The following KATNIP variants were observed in gnomAD, a reference collection of about 807,000 sequenced individuals.
KATNIP encodes katanin-interacting protein.
A neutral mutation model predicts 174.0 loss-of-function variants in KATNIP; 126 were observed. That is an observed-to-expected ratio of 0.72 (90% CI 0.63 to 0.84). KATNIP has a LOEUF of 0.84. KATNIP is among the 40% of genes least tolerant of loss of function. The pLI, the probability that KATNIP is intolerant of heterozygous loss-of-function variation, is 0.00. For missense variants in KATNIP, 1,958 were observed against 2,109.7 expected, an observed-to-expected ratio of 0.93 and a Z score of 1.41; for synonymous variants, 810 against 835.7, an observed-to-expected ratio of 0.97 and a Z score of 0.53.
intron 8 of KATNIP, among the ~76,000 whole-genome samples, chr16:27,682,290 A>T (rs1203916602): frequency 6.6e-6 from 1 of 152,214 alleles, no homozygotes; most frequent in Non-Finnish European, 1.5e-5. Context: ...TACTTCTACC[A>T]TCTCACATAA....
At chr16:27,577,793 A>C (rs968332084) in intron 2 of KATNIP, among the ~76,000 whole-genome samples, 6 of 152,130 alleles carry the variant, frequency 3.9e-5, no homozygotes, top group Non-Finnish European at 8.8e-5. Context: ...GTATCGCTTG[A>C]GCCCAGGAGT....
In KATNIP at chr16:27,754,308, G is replaced by A. The variant is rs763448061; in HGVS notation, c.3631+57G>A. 4.2e-4 allele frequency: 621 copies of A among 1,467,138 alleles called. 1 individual carries two copies. The highest frequency in any genetic ancestry group is 5.5e-4 in the Non-Finnish European group (572 of 1,047,954). The allele number at this position is 1,467,138 out of a possible 1,614,324, so 90.9% of individuals were successfully genotyped here. The stretch of plus-strand genomic sequence containing the variant: ...GAAGGAGGACCTTCCAGGGACAGGG[G>A]GAGTTGTGGCCACTTGGGACAGGGT... On this transcript the variant is annotated intron_variant, in intron 18 of 27. Transcript: ENST00000261588.
chr16:27,661,381 T>C (rs1475125355), intron 6 of KATNIP, among the ~76,000 whole-genome samples: 1 of 151,672 alleles, frequency 6.6e-6, no homozygotes, highest in Non-Finnish European at 1.5e-5. Context: ...GGTATCTGGG[T>C]TTCTGGGTTT....
intron 14 of KATNIP, among the ~76,000 whole-genome samples, chr16:27,735,654 A>G (rs1315046112): frequency 1.3e-5 from 2 of 152,188 alleles, no homozygotes; most frequent in Non-Finnish European, 2.9e-5. Context: ...GCCATCTGCA[A>G]TTGGAGGATT....
chr16:27,645,803 T>G (rs1486045931), intron 5 of KATNIP, among the ~76,000 whole-genome samples: 2 of 152,134 alleles, frequency 1.3e-5, no homozygotes, highest in Non-Finnish European at 2.9e-5. Flanking sequence ...CTCTCCTGAT[T>G]ACCAGGAAAA....
intron 14 of KATNIP, chr16:27,727,602 T>C (rs2080499588): frequency 6.6e-6 from 1 of 152,194 alleles, no homozygotes; most frequent in African/African-American, 2.4e-5. Context: ...GTGGCCTGGA[T>C]GAGGGTGTCA....
At chr16:27,763,471 C>G (rs2082019959) in intron 19 of KATNIP, among the ~76,000 whole-genome samples, 1 of 141,062 alleles carries the variant, frequency 7.1e-6, no homozygotes, top group South Asian at 2.2e-4. Flanking sequence ...AAAAAAATAG[C>G]CAGGCATTGT....
At chr16:27,765,795 A>G (rs1001014585) in intron 19 of KATNIP, among the ~76,000 whole-genome samples, 1 of 152,172 alleles carries the variant, frequency 6.6e-6, no homozygotes, top group African/African-American at 2.4e-5. Flanking sequence ...TGCCTCCTCC[A>G]TGTGACTGCA....
intron 27 of KATNIP, among the ~76,000 whole-genome samples, chr16:27,778,263 G>T (rs1488247424): frequency 6.6e-6 from 1 of 152,220 alleles, no homozygotes; most frequent in Non-Finnish European, 1.5e-5. Context: ...AAAGGGGTTT[G>T]CCCCGGGCCG....
intron 13 of KATNIP, among the ~76,000 whole-genome samples, chr16:27,714,003 C>T (rs1567337676): frequency 6.6e-6 from 1 of 151,164 alleles, no homozygotes. Context: ...CTTCACACAC[C>T]CCCGCCTCAC....
At chr16:27,697,199 A>G (rs2142968561) in intron 8 of KATNIP, among the ~76,000 whole-genome samples, 1 of 152,218 alleles carries the variant, frequency 6.6e-6, no homozygotes, top group Middle Eastern at 3.4e-3. Flanking sequence ...TCAAATGGTA[A>G]TTCTGTTTTT....
intron 5 of KATNIP, among the ~76,000 whole-genome samples, chr16:27,635,637 T>C (rs1418805810): frequency 6.6e-6 from 1 of 151,612 alleles, no homozygotes; most frequent in African/African-American, 2.4e-5. Flanking sequence ...GCTCAGTTCC[T>C]GCCTTTGAAG....
intron 18 of KATNIP, chr16:27,757,489 C>T (rs772011051): frequency 4.5e-5 from 44 of 985,204 alleles, no homozygotes; most frequent in Non-Finnish European, 4.8e-5. Flanking sequence ...ATGATTTCCC[C>T]AAAGATGCTG....
At chr16:27,629,270 T>A (rs2076421549) in intron 4 of KATNIP, among the ~76,000 whole-genome samples, 1 of 151,822 alleles carries the variant, frequency 6.6e-6, no homozygotes, top group Non-Finnish European at 1.5e-5. Flanking sequence ...AGCATAAGAA[T>A]GAGAAAGAGA....
rs896735253 is a variant in KATNIP, at chr16:27,776,916, G to A, written c.4450-12G>A. 7.6e-6 allele frequency: 12 copies of A among 1,581,596 alleles called. No homozygotes were observed. Among genetic ancestry groups the A allele is most frequent in the Middle Eastern group, 1.7e-4 (1 of 6,018 alleles). ...AAACATGCCTGTTTTAATTAGTGCC[G>A]CTCTCTGACAGGTGAACCGGGTTTA... On this transcript the variant is annotated splice_polypyrimidine_tract_variant and intron_variant, in intron 24 of 27. Coordinates refer to ENST00000261588, the MANE Select transcript of KATNIP (RefSeq NM_015202.5). The surrounding 1 kb of genome is among the most constrained non-coding windows in gnomAD (Gnocchi z 4.7).
chr16:27,757,850 A>G (rs927684883), intron 18 of KATNIP, among the ~76,000 whole-genome samples: 48 of 152,218 alleles, frequency 3.2e-4, no homozygotes, highest in Admixed American at 6.5e-5. Flanking sequence ...AAATACGGCC[A>G]ATCCTATTAA....
chr16:27,738,615 G>T (rs1267337925), intron 14 of KATNIP, among the ~76,000 whole-genome samples: 1 of 152,186 alleles, frequency 6.6e-6, no homozygotes, highest in Non-Finnish European at 1.5e-5. Flanking sequence ...CATTTGTGAA[G>T]GTTACTGTAT....
intron 5 of KATNIP, among the ~76,000 whole-genome samples, chr16:27,636,149 A>T (rs115750548): frequency 0.022 from 3,330 of 152,200 alleles, 140 homozygotes; most frequent in African/African-American, 0.076. Flanking sequence ...GCAAGACCCT[A>T]TCTCAAAATC....
chr16:27,627,404 A>G (rs2076365913), intron 3 of KATNIP, among the ~76,000 whole-genome samples: 1 of 152,250 alleles, frequency 6.6e-6, no homozygotes, highest in Non-Finnish European at 1.5e-5. Context: ...AGCTTTGTTC[A>G]GGCATGAGTG....
Sources: allele counts gnomAD v4.1 joint callset (sites outside exome capture counted in the v4.1 genomes callset), GRCh38; gene constraint gnomAD v4.1.1; non-coding constraint Gnocchi (gnomAD v3.1); transcripts MANE v1.5; gene names NCBI Gene and HGNC (gene_info 2026-07-23, HGNC 2026-07-21).